The following RALGPS2 variants were observed in gnomAD, a reference collection of about 807,000 sequenced individuals.
RALGPS2 encodes the protein Ral GEF with PH domain and SH3 binding motif 2, also known as ras-specific guanine nucleotide-releasing factor RalGPS2.
A neutral mutation model predicts 86.8 loss-of-function variants in RALGPS2; 43 were observed. The ratio of observed to expected loss-of-function variants is 0.50; its 90% CI spans 0.39 to 0.64. The LOEUF is 0.64. Among genes scored for constraint, RALGPS2 ranks in the 30% least tolerant of loss-of-function variants. The probability of loss-of-function intolerance (pLI) is 0.00; values close to 1 mark genes in which losing one functional copy is unlikely to be tolerated. For missense variants in RALGPS2, 536 were observed against 694.6 expected (o/e 0.77, Z 2.57); for synonymous variants, 243 against 231.3 (o/e 1.05, Z -0.46).
chr1:178,916,552 T>C lies in RALGPS2; in HGVS notation c.*193T>C. The C allele has an allele frequency of 1.7e-6, 1 of 571,546 alleles. No individual in the cohort carries two copies. Among genetic ancestry groups the C allele is most frequent in the South Asian group, 2.6e-5 (1 of 38,194 alleles). The allele number at this position is 571,546 out of a possible 1,614,324, so 35.4% of individuals were successfully genotyped here. A position where few individuals can be genotyped will look rare whatever the true frequency, so the allele number is the denominator to read the frequency against. On this transcript the variant is annotated 3_prime_UTR_variant, in exon 20 of 20. Coordinates refer to ENST00000367635, the MANE Select transcript of RALGPS2 (RefSeq NM_152663.5). The stretch of plus-strand genomic sequence containing the variant: ...ATATTCCCAGAGAACAAATTGGAGT[T>C]GCAAAACAAACTGCCATGAACCATG...
intron 13 of RALGPS2, among the ~76,000 whole-genome samples, chr1:178,889,287 A>G (rs978095977): frequency 2.0e-5 from 3 of 152,140 alleles, no homozygotes; most frequent in African/African-American, 7.2e-5. Context: ...AGGATTTTAT[A>G]ATTATATTGG....
At chr1:178,832,101 G>A (rs1233758930) in intron 7 of RALGPS2, among the ~76,000 whole-genome samples, 5 of 152,136 alleles carry the variant, frequency 3.3e-5, no homozygotes, top group Admixed American at 1.3e-4. Flanking sequence ...TCCTTAAGTG[G>A]TAAAGAGTTA....
At chr1:178,916,015 AC>A (rs1210135843) in intron 19 of RALGPS2, among the ~76,000 whole-genome samples, 2 of 152,104 alleles carry the variant, frequency 1.3e-5, no homozygotes, top group Non-Finnish European at 2.9e-5. Flanking sequence ...AGTCATACTT[AC>A]TCTTGCTCTC....
intron 7 of RALGPS2, among the ~76,000 whole-genome samples, chr1:178,822,076 T>G (rs1162271134): frequency 6.6e-6 from 1 of 152,126 alleles, no homozygotes; most frequent in African/African-American, 2.4e-5. Context: ...GAATCATAGG[T>G]TTCAAAAAAA....
chr1:178,767,445 G>A (rs1040189725), intron 1 of RALGPS2, among the ~76,000 whole-genome samples: 2 of 146,606 alleles, frequency 1.4e-5, no homozygotes, highest in African/African-American at 5.1e-5. Context: ...TCAGTCGACT[G>A]GCTTTGAGTC....
intron 8 of RALGPS2, chr1:178,865,161 G>A (rs748411414): frequency 5.6e-6 from 9 of 1,607,168 alleles, no homozygotes; most frequent in African/African-American, 1.3e-5. Context: ...GTGTCTTGTC[G>A]GGAAAATATC....
intron 2 of RALGPS2, among the ~76,000 whole-genome samples, chr1:178,777,955 G>A (rs1653180956): frequency 7.0e-6 from 1 of 142,624 alleles, no homozygotes; most frequent in Admixed American, 6.9e-5. Flanking sequence ...AGAAAACCTA[G>A]GCATTACCAT....
chr1:178,912,563 C>T (rs775639647), intron 19 of RALGPS2, among the ~76,000 whole-genome samples: 2 of 152,166 alleles, frequency 1.3e-5, no homozygotes, highest in African/African-American at 4.8e-5. Context: ...CACTGTTAAC[C>T]TGATGAGGTT....
chr1:178,740,604 G>A (rs563296104), intron 1 of RALGPS2, among the ~76,000 whole-genome samples: 2 of 152,300 alleles, frequency 1.3e-5, no homozygotes, highest in South Asian at 2.1e-4. Flanking sequence ...GAAGCCATTT[G>A]GTAACTATAA....
chr1:178,732,731 A>T (rs1350524477), intron 1 of RALGPS2, among the ~76,000 whole-genome samples: 1 of 150,848 alleles, frequency 6.6e-6, no homozygotes, highest in African/African-American at 2.5e-5. Context: ...TAGTTTTCTA[A>T]GTTTTTTTTT....
intron 1 of RALGPS2, among the ~76,000 whole-genome samples, chr1:178,745,097 TAGAA>T (rs1651240821): frequency 6.6e-6 from 1 of 152,190 alleles, no homozygotes; most frequent in Non-Finnish European, 1.5e-5. Context: ...CACAGCATCA[TAGAA>T]AGTAAGTAAA....
chr1:178,875,643 G>T (rs1249250544), intron 8 of RALGPS2, among the ~76,000 whole-genome samples: 1 of 152,086 alleles, frequency 6.6e-6, no homozygotes, highest in Admixed American at 6.6e-5. Flanking sequence ...AGCTATTCGG[G>T]TGGCTGAGGC....
chr1:178,879,413 C>T (rs541768860), intron 10 of RALGPS2: 1 of 153,694 alleles, frequency 6.5e-6, no homozygotes, highest in Non-Finnish European at 1.4e-5. Flanking sequence ...GATTGAGAGA[C>T]TTGGTCCATC....
intron 8 of RALGPS2, among the ~76,000 whole-genome samples, chr1:178,840,924 C>T (rs1656574379): frequency 6.6e-6 from 1 of 152,128 alleles, no homozygotes; most frequent in Non-Finnish European, 1.5e-5. Context: ...TTCCTGGACA[C>T]ATACACCCTC....
At chr1:178,782,178 G>T (rs537346306) in intron 2 of RALGPS2, among the ~76,000 whole-genome samples, 1 of 152,272 alleles carries the variant, frequency 6.6e-6, no homozygotes, top group African/African-American at 2.4e-5. Flanking sequence ...GTGGAGCCAC[G>T]TAAACCCTAA....
chr1:178,748,345 G>A (rs1050966436), intron 1 of RALGPS2, among the ~76,000 whole-genome samples: 11 of 150,978 alleles, frequency 7.3e-5, no homozygotes, highest in Non-Finnish European at 1.2e-4. Flanking sequence ...AGAAGTTAAC[G>A]TACACCTACC....
At chr1:178,914,951 T>C (rs551717354) in intron 19 of RALGPS2, among the ~76,000 whole-genome samples, 1 of 152,310 alleles carries the variant, frequency 6.6e-6, no homozygotes, top group African/African-American at 2.4e-5. Flanking sequence ...TAAGACTCTT[T>C]TTTTTTCAAT....
At position 178,750,602 on chromosome 1, in the gene RALGPS2, T is replaced by C. The variant is rs968119733; in HGVS notation, c.-84+25183T>C. Among the ~76,000 whole-genome samples the C allele has an allele frequency of 5.3e-5, 8 of 152,242 alleles. No homozygotes were observed. In the South Asian group the frequency reaches 6.2e-4, roughly 12 times the overall value. On this transcript the variant is annotated intron_variant, in intron 1 of 19. Coordinates refer to ENST00000367635, the MANE Select transcript of RALGPS2 (RefSeq NM_152663.5). Reference sequence around the variant, plus strand: ...ACCTTAGCTTTTTTCTCTCTCACAGTCTGCATGTAGCTGGTTGATGAATTC... The same window carrying C: ...ACCTTAGCTTTTTTCTCTCTCACAGCCTGCATGTAGCTGGTTGATGAATTC...
chr1:178,802,646 AATT>A (rs1238847110), intron 4 of RALGPS2, among the ~76,000 whole-genome samples: 3 of 152,266 alleles, frequency 2.0e-5, no homozygotes, highest in Non-Finnish European at 2.9e-5. Context: ...GTGGGTACAA[AATT>A]ATTATAGTAG....
Sources: gnomAD v4.1 joint callset for allele counts (sites outside exome capture counted in the v4.1 genomes callset) on GRCh38, gnomAD v4.1.1 for gene constraint, MANE v1.5 for transcripts, NCBI Gene and HGNC (gene_info 2026-07-23, HGNC 2026-07-21) for gene names.